Variants in GCA observed in about 807,000 individuals in gnomAD.
GCA encodes the protein grancalcin.
A neutral mutation model predicts 32.6 loss-of-function variants in GCA; 30 were observed. The ratio of observed to expected loss-of-function variants is 0.92; its 90% CI spans 0.69 to 1.25. GCA has a LOEUF of 1.25. Ranked by LOEUF, GCA falls within the 50% of genes most tolerant of loss-of-function variation. The pLI, the probability that GCA is intolerant of heterozygous loss-of-function variation, is 0.00. For synonymous variants in GCA, 102 were observed against 84.6 expected (o/e 1.21, Z -1.13); for missense variants, 291 against 266.8 (o/e 1.09, Z -0.63).
upstream of GCA, among the ~76,000 whole-genome samples, chr2:162,340,019 T>G (rs1256590059): frequency 6.6e-6 from 1 of 152,208 alleles, no homozygotes; most frequent in Non-Finnish European, 1.5e-5. Context: ...AATTAATTTT[T>G]ATAATCAATG....
At chr2:162,330,467 T>C (rs1684037199) in intron 1 of GCA, among the ~76,000 whole-genome samples, 1 of 152,228 alleles carries the variant, frequency 6.6e-6, no homozygotes. Context: ...CAAACTTGCT[T>C]TCCAGTTGTT....
intron 1 of GCA, among the ~76,000 whole-genome samples, chr2:162,345,707 A>G: frequency 6.6e-6 from 1 of 152,252 alleles, no homozygotes; most frequent in South Asian, 2.1e-4. Flanking sequence ...AAGTACCCTC[A>G]ATAGCTGAAG....
rs552081896 is a variant in GCA, at chr2:162,362,873, G to T, written c.*2630G>T. On this transcript the variant is annotated 3_prime_UTR_variant, in exon 8 of 8. Transcript: ENST00000437150. The stretch of plus-strand genomic sequence containing the variant: ...ATGTAATTTCAAGGATTTCTCATTT[G>T]ACCTATTTACACATGCATCCAGAAA... Among the ~76,000 whole-genome samples the T allele has an allele frequency of 1.3e-5, 2 of 151,190 alleles. No homozygotes were observed. The highest frequency in any genetic ancestry group is 3.0e-5 in the Non-Finnish European group (2 of 67,492).
At chr2:162,328,883 G>C (rs1039145361) in intron 1 of GCA, among the ~76,000 whole-genome samples, 1 of 152,132 alleles carries the variant, frequency 6.6e-6, no homozygotes, top group African/African-American at 2.4e-5. Context: ...GAATTGAATG[G>C]GAAGGTTTAC....
In GCA at chr2:162,357,580, T is replaced by C. The variant is rs145311821; in HGVS notation, c.454+675T>C. On this transcript the variant is annotated intron_variant, in intron 5 of 7. Transcript: ENST00000437150. ...AATTAATTTTTTGGAAGTTAAAATC[T>C]GAACCCAATGGAAGTGGGCTTATCT... Among the ~76,000 whole-genome samples the C allele has an allele frequency of 5.1e-3, 779 of 151,874 alleles. 7 individuals are homozygous for C. Among genetic ancestry groups the C allele is most frequent in the African/African-American group, 0.018 (739 of 41,534 alleles).
intron 1 of GCA, among the ~76,000 whole-genome samples, chr2:162,320,002 G>T (rs552280201): frequency 6.6e-6 from 1 of 152,232 alleles, no homozygotes; most frequent in African/African-American, 2.4e-5. Flanking sequence ...ATGTAGCAAG[G>T]CTTTTTCTAC....
chr2:162,344,200 C>G lies in GCA; in HGVS notation c.-49C>G, dbSNP rs1170175105. On this transcript the variant is annotated 5_prime_UTR_variant, in exon 1 of 8. Transcript: ENST00000437150. The stretch of plus-strand genomic sequence containing the variant: ...TGCGCCTGTGCTTTTTCTCCCAGCA[C>G]TGCGGACGCGACTCGAGGGTGACGC... 1.2e-6 allele frequency: 2 copies of G among 1,611,074 alleles called. No homozygotes were observed. The highest frequency in any genetic ancestry group is 8.5e-7 in the Non-Finnish European group (1 of 1,177,592).
chr2:162,336,642 C>A (rs74665538), intron 1 of GCA, among the ~76,000 whole-genome samples: 6,919 of 151,990 alleles, frequency 0.046, 537 homozygotes, highest in African/African-American at 0.16. Context: ...CTAAGTATAT[C>A]TCTCTCTCTC....
At position 162,362,767 on chromosome 2, in the gene GCA, A is replaced by T. The variant is rs558049384; in HGVS notation, c.*2524A>T. 1.3e-5 allele frequency: 2 copies of T among 159,692 alleles called. No homozygotes were observed. The highest frequency in any genetic ancestry group is 2.7e-5 in the Non-Finnish European group (2 of 75,120). 9.9% of individuals were successfully genotyped at this position (159,692 alleles called of 1,614,324 possible). On this transcript the variant is annotated 3_prime_UTR_variant, in exon 8 of 8. Transcript: ENST00000437150. The stretch of plus-strand genomic sequence containing the variant: ...ATTAAATGTCAGGTATTGCACTTCT[A>T]TTCTGAGTGGCAGTTTACACATTTT...
intron 1 of GCA, among the ~76,000 whole-genome samples, chr2:162,320,067 A>T (rs1395831377): frequency 6.6e-6 from 1 of 152,236 alleles, no homozygotes; most frequent in Non-Finnish European, 1.5e-5. Context: ...AGTAACTAGT[A>T]CACTACTCAC....
chr2:162,323,758 A>C (rs1471430751), intron 1 of GCA, among the ~76,000 whole-genome samples: 1 of 151,662 alleles, frequency 6.6e-6, no homozygotes, highest in Non-Finnish European at 1.5e-5. Context: ...GTTCTGTTCC[A>C]TTGATCTATA....
At chr2:162,318,764 G>C (rs1683568315), upstream of GCA, 1 of 162,278 alleles carries the variant, frequency 6.2e-6, no homozygotes. Context: ...AGTTTCCTCA[G>C]GGAGACGCCA....
At chr2:162,369,193 G>T (rs1003153294) in intron 4 of GCA, among the ~76,000 whole-genome samples, 1 of 152,018 alleles carries the variant, frequency 6.6e-6, no homozygotes, top group African/African-American at 2.4e-5. Flanking sequence ...ATAGCCAACA[G>T]GGGGGATGAT....
At chr2:162,344,112 G>C, upstream of GCA, 1 of 863,446 alleles carries the variant, frequency 1.2e-6, no homozygotes. Flanking sequence ...GGCGGGTTCG[G>C]AGGAGTGAAC....
intron 2 of GCA, among the ~76,000 whole-genome samples, chr2:162,348,155 A>G (rs1684804998): frequency 6.6e-6 from 1 of 152,146 alleles, no homozygotes; most frequent in Non-Finnish European, 1.5e-5. Flanking sequence ...TTTGACATTT[A>G]GGAGCATCAT....
intron 2 of GCA, among the ~76,000 whole-genome samples, 199 bp from the exon 3 acceptor site, chr2:162,352,139 T>A (rs1305683936): frequency 6.6e-6 from 1 of 152,180 alleles, no homozygotes; most frequent in African/African-American, 2.4e-5. Context: ...TCTTCAGAAG[T>A]GGAAGAAATT....
chr2:162,319,214 G>A, exon 1 of GCA: 1 of 457,050 alleles, frequency 2.2e-6, no homozygotes. Flanking sequence ...TTGTTTCCCT[G>A]GGAATTTGGA....
chr2:162,329,344 T>C (rs915251363), intron 1 of GCA, among the ~76,000 whole-genome samples: 1 of 152,200 alleles, frequency 6.6e-6, no homozygotes, highest in Non-Finnish European at 1.5e-5. Context: ...GTAGGAAGGC[T>C]GTAGAATTAA....
intron 2 of GCA, among the ~76,000 whole-genome samples, chr2:162,348,390 G>A (rs1041753406): frequency 3.9e-5 from 6 of 151,986 alleles, no homozygotes; most frequent in African/African-American, 1.4e-4. Flanking sequence ...TCAGAGTCTC[G>A]TAAATTTATT....
Sources: gnomAD v4.1 joint callset for allele counts (sites outside exome capture counted in the v4.1 genomes callset) on GRCh38, gnomAD v4.1.1 for gene constraint, MANE v1.5 for transcripts, NCBI Gene and HGNC (gene_info 2026-07-23, HGNC 2026-07-21) for gene names.